The following GSE1 variants were observed in gnomAD, a reference collection of about 807,000 sequenced individuals.
GSE1 encodes the protein Gse1 coiled-coil protein.
In GSE1, 32 loss-of-function variants were observed where a neutral mutation model predicts 112.6. That is an observed-to-expected ratio of 0.28 (90% CI 0.21 to 0.38). GSE1 has a LOEUF of 0.38. Among genes scored for constraint, GSE1 ranks in the 10% least tolerant of loss-of-function variants. The probability of loss-of-function intolerance (pLI) is 1.00; values close to 1 mark genes in which losing one functional copy is unlikely to be tolerated. For synonymous variants in GSE1, 1,115 were observed against 735.6 expected (o/e 1.52, Z -8.35); for missense variants, 2,348 against 1,699.2 (o/e 1.38, Z -6.71).
chr16:85,341,030 A>G (rs2046613836), intron 1 of GSE1, among the ~76,000 whole-genome samples: 1 of 152,226 alleles, frequency 6.6e-6, no homozygotes, highest in Non-Finnish European at 1.5e-5. Context: ...AAAACAGAGC[A>G]GGGCACAGAG....
chr16:85,284,036 C>T (rs956370551), intron 1 of GSE1, among the ~76,000 whole-genome samples: 18 of 152,132 alleles, frequency 1.2e-4, no homozygotes, highest in African/African-American at 3.9e-4. Context: ...GCTGCATGGC[C>T]TCCACAGTCC....
Position 85,668,316 on chromosome 16 carries a change from G to A in GSE1, c.3307G>A (p.Glu1103Lys), listed in dbSNP as rs1255110260. 3 of 1,612,502 alleles carry A rather than the reference G, an allele frequency of 1.9e-6. No individual in the cohort carries two copies. The highest frequency in any genetic ancestry group is 8.5e-7 in the Non-Finnish European group (1 of 1,178,696). ...CCAGGAGTTGGACCGGGACTCGGAG[G>A]AGGAGGAAGAGGAGGATGATGAAGA... The part of the protein sequence containing the change: ...PTQELDRDSE[E>K]EEEEDDEDGE... Residue 1103 changes from glutamate (E) to lysine (K), a missense_variant, in exon 14 of 16, where the codon GAG (glutamate) becomes AAG (lysine). Glu to Lys is a moderately conservative substitution (Grantham distance 56). Coordinates refer to ENST00000253458, the MANE Select transcript of GSE1 (RefSeq NM_014615.5).
At chr16:85,431,478 G>A (rs1319983233) in intron 2 of GSE1, among the ~76,000 whole-genome samples, 1 of 152,224 alleles carries the variant, frequency 6.6e-6, no homozygotes, top group Non-Finnish European at 1.5e-5. Flanking sequence ...CGCCCCTACC[G>A]TGTTTGCAGG....
At chr16:85,617,990 A>G (rs892581464) in intron 1 of GSE1, among the ~76,000 whole-genome samples, 6 of 152,170 alleles carry the variant, frequency 3.9e-5, no homozygotes, top group African/African-American at 1.2e-4. Flanking sequence ...AACCCCAGGC[A>G]GAATCCTGAA....
At chr16:85,237,620 CGCGGT>C (rs1176446757) in intron 1 of GSE1, among the ~76,000 whole-genome samples, 24 of 152,056 alleles carry the variant, frequency 1.6e-4, no homozygotes, top group African/African-American at 5.3e-4. Flanking sequence ...GGGCAGATCA[CGCGGT>C]CAGGAGATTG....
chr16:85,640,839 G>T (rs1273735138), intron 2 of GSE1, among the ~76,000 whole-genome samples: 1 of 152,244 alleles, frequency 6.6e-6, no homozygotes, highest in East Asian at 1.9e-4. Context: ...GAGCCCGTCT[G>T]TCTCCCGCGC....
intron 1 of GSE1, among the ~76,000 whole-genome samples, chr16:85,221,941 C>T (rs980682239): frequency 3.3e-5 from 5 of 152,068 alleles, no homozygotes; most frequent in Non-Finnish European, 7.4e-5. Flanking sequence ...CCCTCCCGGT[C>T]CCCGCCCCAC....
At chr16:85,537,793 G>C (rs1449093594) in intron 2 of GSE1, among the ~76,000 whole-genome samples, 4 of 107,862 alleles carry the variant, frequency 3.7e-5, no homozygotes, top group African/African-American at 7.7e-5. Context: ...AAATCAAATG[G>C]TACCCTAAAG....
intron 2 of GSE1, among the ~76,000 whole-genome samples, chr16:85,644,765 C>T (rs2050716403): frequency 6.6e-6 from 1 of 151,858 alleles, no homozygotes; most frequent in Admixed American, 6.6e-5. Flanking sequence ...AACCGTGGGG[C>T]CGCGCGCTGG....
intron 8 of GSE1, 40 bp downstream of exon 8, chr16:85,657,644 C>T (rs776496358): frequency 8.7e-6 from 12 of 1,382,522 alleles, no homozygotes; most frequent in South Asian, 3.0e-5. Context: ...TGAGCCTTCA[C>T]GTTCCGATTT....
chr16:85,383,497 G>GCACA (rs11473067), intron 2 of GSE1, among the ~76,000 whole-genome samples: 47,182 of 147,808 alleles, frequency 0.32, 7,817 homozygotes, highest in East Asian at 0.47. Flanking sequence ...AGAGCTCCCA[G>GCACA]CACACACACA....
intron 2 of GSE1, among the ~76,000 whole-genome samples, chr16:85,476,573 G>A (rs773041413): frequency 2.0e-5 from 3 of 152,048 alleles, no homozygotes; most frequent in African/African-American, 7.2e-5. Context: ...GCCTTTGTAC[G>A]TGCTGTTCCC....
chr16:85,331,323 CTGTGTG>C (rs71151278), intron 1 of GSE1, among the ~76,000 whole-genome samples: 17,852 of 84,264 alleles, frequency 0.21, 3,265 homozygotes, highest in Middle Eastern at 0.3. Context: ...CAGCTAATTT[CTGTGTG>C]TGTGTGTGTG....
Position 85,614,014 on chromosome 16 carries a change from A to G in GSE1, c.7+616A>G, listed in dbSNP as rs557761052. On this transcript the variant is annotated intron_variant, in intron 1 of 15. Transcript: ENST00000253458. ...ACCCCCACGCCCTGCTTCCCGAGGAAGGGCGCGCCCCGGGCTCGGCCGCTT... is the reference window on the plus strand; with the variant it reads ...ACCCCCACGCCCTGCTTCCCGAGGAGGGGCGCGCCCCGGGCTCGGCCGCTT... Among the ~76,000 whole-genome samples, 13 of 151,162 alleles carry G rather than the reference A, an allele frequency of 8.6e-5. No individual in the cohort carries two copies. In the South Asian group the frequency reaches 2.3e-3, roughly 27 times the overall value.
intron 1 of GSE1, among the ~76,000 whole-genome samples, chr16:85,351,666 T>C (rs531042850): frequency 1.2e-4 from 19 of 152,360 alleles, no homozygotes; most frequent in African/African-American, 4.3e-4. Context: ...TTGTATAGTA[T>C]GTGAGTTGTA....
chr16:85,315,197 GGGT>G (rs1337342582), intron 1 of GSE1, among the ~76,000 whole-genome samples: 1 of 152,164 alleles, frequency 6.6e-6, no homozygotes, highest in Non-Finnish European at 1.5e-5. Flanking sequence ...GGAGACAAAG[GGGT>G]GGCTGAGGGA....
chr16:85,509,662 C>T (rs558714305), intron 2 of GSE1, among the ~76,000 whole-genome samples: 2 of 152,210 alleles, frequency 1.3e-5, no homozygotes, highest in Non-Finnish European at 2.9e-5. Flanking sequence ...TGAAGGCCAG[C>T]GTGGGGAACA....
intron 1 of GSE1, among the ~76,000 whole-genome samples, chr16:85,279,388 C>T (rs2044787373): frequency 1.3e-5 from 2 of 152,218 alleles, no homozygotes; most frequent in Non-Finnish European, 2.9e-5. Flanking sequence ...CAGCGGATCA[C>T]TTGAGCCCAG....
At chr16:85,631,336 T>G (rs1402304872) in intron 1 of GSE1, among the ~76,000 whole-genome samples, 1 of 152,210 alleles carries the variant, frequency 6.6e-6, no homozygotes, top group African/African-American at 2.4e-5. Context: ...AGCTCTGGTC[T>G]CCCCCATCCT....
Sources: gnomAD v4.1 joint callset for allele counts (sites outside exome capture counted in the v4.1 genomes callset) on GRCh38, gnomAD v4.1.1 for gene constraint, MANE v1.5 for transcripts, NCBI Gene and HGNC (gene_info 2026-07-23, HGNC 2026-07-21) for gene names.